Variants in TFPI observed in about 807,000 individuals in gnomAD.
The protein encoded by TFPI is tissue factor pathway inhibitor.
Under a neutral mutation model 34.6 loss-of-function variants are expected in TFPI, and 15 were observed. The ratio of observed to expected loss-of-function variants is 0.43; its 90% CI spans 0.29 to 0.67. TFPI has a LOEUF of 0.67. TFPI is among the 30% of genes least tolerant of loss of function. TFPI has a pLI of 0.15. For missense variants in TFPI, 301 were observed against 364.0 expected (o/e 0.83, Z 1.41); for synonymous variants, 105 against 120.1 (o/e 0.87, Z 0.82).
intron 6 of TFPI, among the ~76,000 whole-genome samples, chr2:187,482,470 C>A (rs892968993): frequency 1.3e-5 from 2 of 152,062 alleles, no homozygotes; most frequent in Non-Finnish European, 2.9e-5. Context: ...TTTTTACGAA[C>A]GAAGTAGTAT....
At chr2:187,506,132 T>C (rs1686202087) in intron 1 of TFPI, among the ~76,000 whole-genome samples, 1 of 152,064 alleles carries the variant, frequency 6.6e-6, no homozygotes, top group Non-Finnish European at 1.5e-5. Context: ...ATGCACCAAC[T>C]TCTATATACC....
At chr2:187,520,271 TG>T in intron 1 of TFPI, among the ~76,000 whole-genome samples, 1 of 152,126 alleles carries the variant, frequency 6.6e-6, no homozygotes, top group East Asian at 1.9e-4. Flanking sequence ...AGGGCCCTGG[TG>T]GGGTAGGCAC....
At chr2:187,472,879 G>A (rs1692131515) in intron 6 of TFPI, among the ~76,000 whole-genome samples, 1 of 152,010 alleles carries the variant, frequency 6.6e-6, no homozygotes, top group Admixed American at 6.6e-5. Flanking sequence ...GGGCGTGGTG[G>A]CACACGCATG....
At chr2:187,502,041 T>A (rs1685886307) in intron 2 of TFPI, among the ~76,000 whole-genome samples, 1 of 152,124 alleles carries the variant, frequency 6.6e-6, no homozygotes, top group Admixed American at 6.6e-5. Context: ...CTAAATAGAA[T>A]TTTTTCAGAT....
intron 6 of TFPI, among the ~76,000 whole-genome samples, chr2:187,473,821 A>G (rs1244155086): frequency 6.6e-6 from 1 of 150,874 alleles, no homozygotes. Flanking sequence ...TTCCCCCCGC[A>G]TGTGTATACT....
chr2:187,498,830 C>G (rs1341931230), intron 2 of TFPI, among the ~76,000 whole-genome samples: 4 of 151,850 alleles, frequency 2.6e-5, no homozygotes, highest in African/African-American at 9.7e-5. Flanking sequence ...ATAGTTTCAG[C>G]ACCAAACACA....
At chr2:187,480,208 T>A (rs1692738254) in intron 6 of TFPI, among the ~76,000 whole-genome samples, 1 of 152,092 alleles carries the variant, frequency 6.6e-6, no homozygotes, top group Admixed American at 6.6e-5. Flanking sequence ...TTTATGAGTG[T>A]CTGAAATATA....
chr2:187,503,841 A>G, intron 1 of TFPI, 71 bp from the exon 2 acceptor site: 2 of 1,533,500 alleles, frequency 1.3e-6, no homozygotes, highest in Admixed American at 1.9e-5. Flanking sequence ...ACTAGTAAAC[A>G]TCATATGTGT....
chr2:187,474,352 G>A (rs1248265728), intron 6 of TFPI, among the ~76,000 whole-genome samples: 1 of 152,024 alleles, frequency 6.6e-6, no homozygotes, highest in East Asian at 1.9e-4. Context: ...GGTTTGCTTG[G>A]GGGTACTTCG....
chr2:187,498,844 G>A (rs939840147), intron 2 of TFPI, among the ~76,000 whole-genome samples: 6 of 151,966 alleles, frequency 3.9e-5, no homozygotes, highest in Admixed American at 3.9e-4. Context: ...AAACACAATT[G>A]TCATAAAATA....
intron 1 of TFPI, among the ~76,000 whole-genome samples, chr2:187,531,158 G>T (rs1395524288): frequency 6.6e-6 from 1 of 152,152 alleles, no homozygotes; most frequent in Non-Finnish European, 1.5e-5. Flanking sequence ...ACAGACTCAG[G>T]CTAACTACTG....
intron 1 of TFPI, among the ~76,000 whole-genome samples, chr2:187,522,663 C>T (rs1350142188): frequency 1.4e-5 from 2 of 146,776 alleles, no homozygotes; most frequent in African/African-American, 5.1e-5. Flanking sequence ...GTGGGTGGAT[C>T]ACGAGGTCAG....
chr2:187,498,017 T>C (rs555770097), intron 2 of TFPI, among the ~76,000 whole-genome samples: 1 of 151,942 alleles, frequency 6.6e-6, no homozygotes, highest in South Asian at 2.1e-4. Flanking sequence ...TAATCTCTTA[T>C]GGGGAATATT....
intron 1 of TFPI, chr2:187,547,036 T>C (rs1688904242): frequency 6.6e-6 from 1 of 152,190 alleles, no homozygotes. Flanking sequence ...TTTCTTCATT[T>C]CTCCTGAAGG....
intron 2 of TFPI, among the ~76,000 whole-genome samples, chr2:187,502,771 T>G (rs1054690678): frequency 1.3e-5 from 2 of 152,154 alleles, no homozygotes; most frequent in African/African-American, 2.4e-5. Flanking sequence ...GCACCTCATC[T>G]CAGCCATACC....
At chr2:187,518,659 G>A (rs750649210) in intron 1 of TFPI, 6 of 152,162 alleles carry the variant, frequency 3.9e-5, no homozygotes, top group Non-Finnish European at 7.3e-5. Flanking sequence ...GGTGTTCTCT[G>A]TATTTCCTGA....
Position 187,488,378 on chromosome 2 carries a change from G to A in TFPI, c.320-3C>T. On this transcript the variant is annotated splice_region_variant and splice_polypyrimidine_tract_variant and intron_variant, in intron 3 of 7. Coordinates refer to ENST00000233156, the MANE Select transcript of TFPI (RefSeq NM_006287.6). ...CTTTATAATCCTGTTTGCATTATCT[G>A]TAATCAAAAGAATATATGCATATCA... 2 of 1,532,202 alleles carry A rather than the reference G, an allele frequency of 1.3e-6. No homozygotes were observed. Among genetic ancestry groups the A allele is most frequent in the East Asian group, 2.4e-5 (1 of 41,612 alleles). The allele number at this position is 1,532,202 out of a possible 1,614,324, so 94.9% of individuals were successfully genotyped here.
intron 1 of TFPI, among the ~76,000 whole-genome samples, chr2:187,512,960 A>G (rs556321578): frequency 6.6e-6 from 1 of 152,316 alleles, no homozygotes; most frequent in African/African-American, 2.4e-5. Flanking sequence ...TATGCAAGAA[A>G]TGTTGTATAA....
intron 1 of TFPI, among the ~76,000 whole-genome samples, chr2:187,504,928 T>C (rs8176410): frequency 0.035 from 5,380 of 152,172 alleles, 285 homozygotes; most frequent in African/African-American, 0.11. Context: ...AAATCACTAG[T>C]GAGATACATA....
Sources: allele counts gnomAD v4.1 joint callset (sites outside exome capture counted in the v4.1 genomes callset), GRCh38; gene constraint gnomAD v4.1.1; transcripts MANE v1.5; gene names NCBI Gene and HGNC (gene_info 2026-07-23, HGNC 2026-07-21).